The following PTS variants were observed in gnomAD, a reference collection of about 807,000 sequenced individuals.
The protein encoded by PTS is 6-pyruvoyl tetrahydrobiopterin synthase.
PTS carries 23 observed loss-of-function variants against 20.6 expected under a neutral mutation model. The observed-to-expected ratio is 1.12, with a 90% CI of 0.80 to 1.58. The LOEUF (loss-of-function observed/expected upper bound fraction) is 1.58, where lower values mean the gene tolerates loss of function less well. PTS is among the 40% of genes most tolerant of loss of function. PTS has a pLI of 0.00. For synonymous variants in PTS, 65 were observed against 62.5 expected (o/e 1.04, Z -0.19); for missense variants, 186 against 182.4 (o/e 1.02, Z -0.11).
Position 112,233,632 on chromosome 11 carries a change from G to T in PTS, c.*77G>T. The stretch of plus-strand genomic sequence containing the variant: ...GATTTTGATCCCCTTGGAATATTAA[G>T]AGGTCAACACGTGATTGTTGTACGT... On this transcript the variant is annotated 3_prime_UTR_variant, in exon 6 of 6. Transcript: ENST00000280362. 6.2e-7 allele frequency: 1 copy of T among 1,601,298 alleles called. No individual in the cohort carries two copies. Among genetic ancestry groups the T allele is most frequent in the Non-Finnish European group, 8.5e-7 (1 of 1,174,208 alleles).
At chr11:112,230,740 C>T (rs1344387355) in intron 4 of PTS, 58 bp downstream of exon 4, 2 of 1,390,572 alleles carry the variant, frequency 1.4e-6, no homozygotes, top group African/African-American at 1.4e-5. Context: ...ATTTGGTGGC[C>T]CCCTATCTAC....
At chr11:112,228,706 C>T (rs771466821) in intron 2 of PTS, 33 bp downstream of exon 2, 1 of 1,552,892 alleles carries the variant, frequency 6.4e-7, no homozygotes, top group East Asian at 2.2e-5. Flanking sequence ...TTCAGCCCTT[C>T]AATAAGGATG....
intron 1 of PTS, 133 bp from the exon 2 acceptor site, chr11:112,228,461 C>G (rs1859892334): frequency 1.4e-6 from 1 of 735,772 alleles, no homozygotes; most frequent in Non-Finnish European, 2.2e-6. Flanking sequence ...TTCTGACTCT[C>G]CCTTTGGTGA....
chr11:112,228,346 G>T, intron 1 of PTS: 1 of 539,280 alleles, frequency 1.9e-6, no homozygotes. Context: ...GGAACAAGGG[G>T]GTTGAAGTTA....
intron 4 of PTS, among the ~76,000 whole-genome samples, chr11:112,231,785 A>G (rs935462789): frequency 1.3e-5 from 2 of 151,286 alleles, no homozygotes; most frequent in Non-Finnish European, 2.9e-5. Flanking sequence ...ATGAAGAAAC[A>G]GCACTATGCT....
chr11:112,233,660 A>T lies in PTS; in HGVS notation c.*105A>T. ...GTCAACACGTGATTGTTGTACGTAC[A>T]CATTGTGCTCTGGAGTGCCTATTTA... On this transcript the variant is annotated 3_prime_UTR_variant, in exon 6 of 6. Transcript: ENST00000280362. 1 of 1,551,418 alleles carries T rather than the reference A, an allele frequency of 6.4e-7. No homozygotes were observed. The highest frequency in any genetic ancestry group is 8.8e-7 in the Non-Finnish European group (1 of 1,141,944).
Position 112,230,229 on chromosome 11 carries a change from A to G in PTS, c.185A>G (p.Glu62Gly), listed in dbSNP as rs1859913309. The G allele has an allele frequency of 6.2e-7, 1 of 1,612,978 alleles. No individual in the cohort carries two copies. The highest frequency in any genetic ancestry group is 1.1e-5 in the South Asian group (1 of 91,054). The change falls in exon 3 of 6, where the codon GAG becomes GGG. Residue 62 changes from glutamate (E) to glycine (G), a missense_variant and splice_region_variant. Coordinates refer to ENST00000280362, the MANE Select transcript of PTS (RefSeq NM_000317.3). ...ATAGTTGTGGTGACAGTACATGGAG[A>G]GGTATGTGCAGAAAATATTTGTGTG... ...NYKVVVTVHGEIDPATGMVMN... is the reference protein window; with the variant it reads ...NYKVVVTVHGGIDPATGMVMN...
rs775426269 is a variant in PTS, at chr11:112,233,167, C to T, written c.248C>T (p.Ala83Val). 37 of 1,613,564 alleles carry T rather than the reference C, an allele frequency of 2.3e-5. No individual in the cohort carries two copies. The highest frequency in any genetic ancestry group is 3.0e-5 in the Non-Finnish European group (35 of 1,179,652). Residue 83 changes from alanine to valine, a missense_variant, in exon 5 of 6, where the codon GCG (alanine) becomes GTG (valine). By Grantham distance (64) the Ala-to-Val change is moderately conservative (BLOSUM62 0). Coordinates refer to ENST00000280362, the MANE Select transcript of PTS (RefSeq NM_000317.3). ...TTCCCTTGGTTTTGTCTCTAGGAGG[C>T]GATTATGCAGCCCCTTGATCATAAG... Reference protein sequence around the residue: ...LADLKKYMEEAIMQPLDHKNL... With the variant: ...LADLKKYMEEVIMQPLDHKNL...
intron 4 of PTS, among the ~76,000 whole-genome samples, chr11:112,231,141 G>A (rs1243788830): frequency 6.6e-6 from 1 of 151,714 alleles, no homozygotes; most frequent in African/African-American, 2.4e-5. Context: ...CTCCCAAAGT[G>A]CTGGAATTAC....
In PTS at chr11:112,233,466, A is replaced by G; in HGVS notation, c.349A>G (p.Asn117Asp). Residue 117 changes from asparagine to aspartate, a missense_variant, in exon 6 of 6, where the codon AAC becomes GAC. Coordinates refer to ENST00000280362, the MANE Select transcript of PTS (RefSeq NM_000317.3). Reference sequence around the variant, plus strand: ...AAATGTAGCTGTTTATATCTGGGACAACCTCCAGAAAGTTCTTCCTGTAGG... The same window carrying G: ...AAATGTAGCTGTTTATATCTGGGACGACCTCCAGAAAGTTCTTCCTGTAGG... The part of the protein sequence containing the change: ...TENVAVYIWD[N>D]LQKVLPVGVL... The G allele has an allele frequency of 1.2e-6, 2 of 1,613,432 alleles. No homozygotes were observed. The highest frequency in any genetic ancestry group is 1.7e-6 in the Non-Finnish European group (2 of 1,179,808).
Position 112,233,793 on chromosome 11 carries a change from C to T in PTS, c.*238C>T. 2.5e-6 allele frequency: 1 copy of T among 396,168 alleles called. No homozygotes were observed. The highest frequency in any genetic ancestry group is 6.5e-5 in the South Asian group (1 of 15,470). The allele number at this position is 396,168 out of a possible 1,614,324, so 24.5% of individuals were successfully genotyped here. A position where few individuals can be genotyped will look rare whatever the true frequency, so the allele number is the denominator to read the frequency against. ...AGTCTTTTATTTATAAATTAAAAATCACTTCATTTTCACAAAATGTTTTGG... is the reference window on the plus strand; with the variant it reads ...AGTCTTTTATTTATAAATTAAAAATTACTTCATTTTCACAAAATGTTTTGG... On this transcript the variant is annotated 3_prime_UTR_variant, in exon 6 of 6. Coordinates refer to ENST00000280362, the MANE Select transcript of PTS (RefSeq NM_000317.3).
chr11:112,227,319 C>T (rs773037151), intron 1 of PTS, among the ~76,000 whole-genome samples: 8 of 152,048 alleles, frequency 5.3e-5, no homozygotes, highest in Non-Finnish European at 7.4e-5. Context: ...TGCTAGGTAA[C>T]GGATGCATCA....
intron 1 of PTS, 77 bp downstream of exon 1, chr11:112,226,603 C>A: frequency 2.2e-6 from 3 of 1,335,828 alleles, no homozygotes; most frequent in Non-Finnish European, 2.0e-6. Flanking sequence ...GGCCGGCGGG[C>A]GTGCTGACGT....
At position 112,228,866 on chromosome 11, in the gene PTS, A is replaced by G. The variant is rs1444710696; in HGVS notation, c.163+193A>G. On this transcript the variant is annotated intron_variant, in intron 2 of 5. Coordinates refer to ENST00000280362, the MANE Select transcript of PTS (RefSeq NM_000317.3). ...GGTGTGTGTTAAGTTTTACCTTGCA[A>G]TGTCAACTCTTACAAACAGTCCAAA... 11 of 621,436 alleles carry G rather than the reference A, an allele frequency of 1.8e-5. No homozygotes were observed. The South Asian group carries it at 1.8e-4, about 10-fold the overall frequency. 38.5% of individuals were successfully genotyped at this position (621,436 alleles called of 1,614,324 possible). A position where few individuals can be genotyped will look rare whatever the true frequency, so the allele number is the denominator to read the frequency against.
At position 112,233,689 on chromosome 11, in the gene PTS, A is replaced by C. The variant is rs951615488; in HGVS notation, c.*134A>C. 2 of 1,324,512 alleles carry C rather than the reference A, an allele frequency of 1.5e-6. No individual in the cohort carries two copies. The highest frequency in any genetic ancestry group is 2.9e-5 in the African/African-American group (2 of 68,144). The allele number at this position is 1,324,512 out of a possible 1,614,324, so 82.0% of individuals were successfully genotyped here. On this transcript the variant is annotated 3_prime_UTR_variant, in exon 6 of 6. Coordinates refer to ENST00000280362, the MANE Select transcript of PTS (RefSeq NM_000317.3). The stretch of plus-strand genomic sequence containing the variant: ...TGTGCTCTGGAGTGCCTATTTATTG[A>C]AATCATTGTAAGACCTGTTATAAAT...
At chr11:112,230,325 T>G in intron 3 of PTS, 95 bp downstream of exon 3, 1 of 1,427,398 alleles carries the variant, frequency 7.0e-7, no homozygotes, top group Admixed American at 1.7e-5. Context: ...TTCCAGTCAG[T>G]ATTGCTTCAT....
chr11:112,231,486 G>T (rs905216321), intron 4 of PTS, among the ~76,000 whole-genome samples: 4 of 152,134 alleles, frequency 2.6e-5, no homozygotes, highest in South Asian at 2.1e-4. Context: ...GCTGGGAGTA[G>T]ATTTCTTTCC....
intron 4 of PTS, among the ~76,000 whole-genome samples, chr11:112,231,134 C>T (rs1398081126): frequency 2.6e-5 from 4 of 151,954 alleles, no homozygotes. Flanking sequence ...CCTTGACCTC[C>T]CAAAGTGCTG....
chr11:112,229,037 T>A (rs1307115652), intron 2 of PTS: 2 of 242,260 alleles, frequency 8.3e-6, no homozygotes, highest in African/African-American at 4.6e-5. Context: ...TGCCTAGGAA[T>A]GTAATGTATG....
Sources: gnomAD v4.1 joint callset for allele counts (sites outside exome capture counted in the v4.1 genomes callset) on GRCh38, gnomAD v4.1.1 for gene constraint, MANE v1.5 for transcripts, NCBI Gene and HGNC (gene_info 2026-07-23, HGNC 2026-07-21) for gene names.